The following SEPTIN7 variants were observed in gnomAD, a reference collection of about 807,000 sequenced individuals.
SEPTIN7 encodes the protein septin-7.
Under a neutral mutation model 63.3 loss-of-function variants are expected in SEPTIN7, and 10 were observed. The ratio of observed to expected loss-of-function variants is 0.16; its 90% confidence interval spans 0.10 to 0.27. The LOEUF is 0.27. SEPTIN7 is among the 10% of genes least tolerant of loss of function. SEPTIN7 has a pLI of 1.00. For synonymous variants in SEPTIN7, 131 were observed against 165.3 expected (o/e 0.79, Z 1.59); for missense variants, 310 against 521.0 (o/e 0.59, Z 3.94).
intron 11 of SEPTIN7, 22 bp downstream of exon 11, chr7:35,890,815 CA>C: frequency 6.7e-7 from 1 of 1,484,896 alleles, no homozygotes; most frequent in Admixed American, 2.6e-5. Flanking sequence ...TTTTTTTCTC[CA>C]AAAAGGTATT....
intron 1 of SEPTIN7, among the ~76,000 whole-genome samples, chr7:35,807,112 A>G (rs943827697): frequency 6.6e-6 from 1 of 152,164 alleles, no homozygotes; most frequent in Non-Finnish European, 1.5e-5. Context: ...CTTTGACACC[A>G]TAGCAATCAA....
chr7:35,824,292 A>G (rs1783394190), intron 1 of SEPTIN7, among the ~76,000 whole-genome samples: 2 of 152,150 alleles, frequency 1.3e-5, no homozygotes, highest in South Asian at 2.1e-4. Context: ...GGGCTGCTAC[A>G]GTTGACCTCC....
At chr7:35,889,922 G>A (rs569582213) in intron 10 of SEPTIN7, among the ~76,000 whole-genome samples, 1 of 152,306 alleles carries the variant, frequency 6.6e-6, no homozygotes, top group South Asian at 2.1e-4. Context: ...GATATAGGAA[G>A]TTTGAGATAG....
chr7:35,894,641 A>G (rs1787854054), intron 11 of SEPTIN7, among the ~76,000 whole-genome samples: 1 of 152,208 alleles, frequency 6.6e-6, no homozygotes, highest in Non-Finnish European at 1.5e-5. Context: ...GGCAACCATT[A>G]TTACTCAAAA....
chr7:35,885,703 CA>C (rs565646131), intron 9 of SEPTIN7, 124 bp from the exon 10 acceptor site: 6 of 723,580 alleles, frequency 8.3e-6, no homozygotes, highest in Non-Finnish European at 1.2e-5. Flanking sequence ...TGTTAAATCT[CA>C]AAAAAATTGA....
At chr7:35,893,243 G>T (rs1244869368) in intron 11 of SEPTIN7, among the ~76,000 whole-genome samples, 1 of 151,744 alleles carries the variant, frequency 6.6e-6, no homozygotes, top group African/African-American at 2.4e-5. Flanking sequence ...CTATAGCAAC[G>T]TATTCTTTGA....
chr7:35,904,966 T>C lies in SEPTIN7; in HGVS notation c.*673T>C, dbSNP rs1171271443. ...GCTTCATTTTTGTAATAACATTTAA[T>C]TTAGATATTTTCCATATATTGGCAC... is the stretch of plus-strand genomic sequence containing the variant. On this transcript the variant is annotated 3_prime_UTR_variant, in exon 14 of 14. Transcript: ENST00000350320. The C allele has an allele frequency of 6.6e-6, 1 of 152,644 alleles. No individual in the cohort carries two copies. The highest frequency in any genetic ancestry group is 2.4e-5 in the African/African-American group (1 of 41,466). 9.5% of individuals were successfully genotyped at this position (152,644 alleles called of 1,614,324 possible).
intron 3 of SEPTIN7, among the ~76,000 whole-genome samples, chr7:35,852,891 G>A (rs1785027962): frequency 6.6e-6 from 1 of 152,056 alleles, no homozygotes; most frequent in South Asian, 2.1e-4. Flanking sequence ...TGTTATTCTT[G>A]AAAGGACGTA....
At chr7:35,840,526 C>T (rs942694948) in intron 3 of SEPTIN7, among the ~76,000 whole-genome samples, 1 of 151,948 alleles carries the variant, frequency 6.6e-6, no homozygotes, top group African/African-American at 2.4e-5. Flanking sequence ...AGTCCTCTCT[C>T]CTTGGCTTCC....
intron 3 of SEPTIN7, among the ~76,000 whole-genome samples, chr7:35,861,905 A>G (rs1424999300): frequency 1.3e-5 from 2 of 152,150 alleles, no homozygotes; most frequent in Non-Finnish European, 2.9e-5. Flanking sequence ...AAATGTCACA[A>G]AAGTTTTGCA....
chr7:35,869,018 A>AT (rs1785984155), intron 4 of SEPTIN7, among the ~76,000 whole-genome samples: 1 of 152,144 alleles, frequency 6.6e-6, no homozygotes, highest in African/African-American at 2.4e-5. Flanking sequence ...TAAGAGGAAT[A>AT]TTAGCAGGGA....
chr7:35,801,719 C>T (rs1439206835), intron 1 of SEPTIN7, among the ~76,000 whole-genome samples: 1 of 152,106 alleles, frequency 6.6e-6, no homozygotes, highest in East Asian at 1.9e-4. Flanking sequence ...GGCAGTGGGC[C>T]TGGCTAGGAG....
In SEPTIN7 at chr7:35,887,413, G is replaced by A. The variant is rs142920058; in HGVS notation, c.872+1534G>A. ...TGCCCAGGCTGGAGTGCAGTGGCAC[G>A]ATCTTGGCTCGCTGCAGCCTCCACC... On this transcript the variant is annotated intron_variant, in intron 10 of 13. Transcript: ENST00000350320. 5.1e-3 allele frequency among the ~76,000 whole-genome samples: 772 copies of A among 152,312 alleles called. 11 individuals carry two copies. Among genetic ancestry groups the A allele is most frequent in the African/African-American group, 0.018 (729 of 41,558 alleles).
chr7:35,859,161 ACTG>A (rs1377160366), intron 3 of SEPTIN7, among the ~76,000 whole-genome samples: 8 of 151,750 alleles, frequency 5.3e-5, no homozygotes, highest in African/African-American at 1.9e-4. Flanking sequence ...CCTTCTCAGC[ACTG>A]CTTTTTCTGT....
intron 1 of SEPTIN7, among the ~76,000 whole-genome samples, chr7:35,822,154 A>G (rs1407580296): frequency 3.3e-5 from 5 of 151,974 alleles, no homozygotes; most frequent in Non-Finnish European, 7.4e-5. Context: ...ATCCTGGCTC[A>G]CTGCATCCTC....
At chr7:35,845,674 A>G (rs762342703) in intron 3 of SEPTIN7, among the ~76,000 whole-genome samples, 1 of 152,186 alleles carries the variant, frequency 6.6e-6, no homozygotes, top group Non-Finnish European at 1.5e-5. Context: ...TTTATGTGAT[A>G]TGACTATTTA....
chr7:35,817,944 C>G (rs1471804005), intron 1 of SEPTIN7, among the ~76,000 whole-genome samples: 1 of 151,612 alleles, frequency 6.6e-6, no homozygotes, highest in African/African-American at 2.4e-5. Flanking sequence ...ATATCGCCTG[C>G]AAATACTACT....
rs1349096117 is a variant in SEPTIN7, at chr7:35,872,504, C to G, written c.277-162C>G. Among the ~76,000 whole-genome samples, 3 of 152,080 alleles carry G rather than the reference C, an allele frequency of 2.0e-5. No individual in the cohort carries two copies. In the South Asian group the frequency reaches 6.2e-4, roughly 31 times the overall value. On this transcript the variant is annotated intron_variant, in intron 4 of 13. Transcript: ENST00000350320. ...TTCAAATAATCTGGATTTCCAATGC[C>G]CGCTATCATCAATTCTAAAGGTAAT...
chr7:35,897,185 T>C (rs1788004684), intron 11 of SEPTIN7, among the ~76,000 whole-genome samples: 1 of 151,870 alleles, frequency 6.6e-6, no homozygotes, highest in Non-Finnish European at 1.5e-5. Context: ...AATTTACCCA[T>C]TTAAAATATA....
Sources: gnomAD v4.1 joint callset for allele counts (sites outside exome capture counted in the v4.1 genomes callset) on GRCh38, gnomAD v4.1.1 for gene constraint, MANE v1.5 for transcripts, NCBI Gene and HGNC (gene_info 2026-07-23, HGNC 2026-07-21) for gene names.